Variants in LCP2 observed in about 807,000 individuals in gnomAD.
LCP2 encodes the protein lymphocyte cytosolic protein 2.
A neutral mutation model predicts 74.5 loss-of-function variants in LCP2; 29 were observed. The ratio of observed to expected loss-of-function variants is 0.39; its 90% CI spans 0.29 to 0.53. The LOEUF (loss-of-function observed/expected upper bound fraction) is 0.53. LCP2 is among the 20% of genes least tolerant of loss of function. The pLI, the probability that LCP2 is intolerant of heterozygous loss-of-function variation, is 0.72. For synonymous variants in LCP2, 228 were observed against 229.5 expected (o/e 0.99, Z 0.06); for missense variants, 604 against 634.6 (o/e 0.95, Z 0.52).
intron 2 of LCP2, among the ~76,000 whole-genome samples, 155 bp from the exon 3 acceptor site, chr5:170,288,171 C>T (rs1297486354): frequency 7.8e-6 from 1 of 127,968 alleles, no homozygotes; most frequent in Non-Finnish European, 1.5e-5. Context: ...CCCAAGTAGG[C>T]AGCCTCTAGA....
intron 5 of LCP2, 45 bp downstream of exon 5, chr5:170,275,275 C>G (rs1014970303): frequency 1.2e-6 from 2 of 1,609,196 alleles, no homozygotes; most frequent in Non-Finnish European, 1.7e-6. Context: ...ACTGAAATAC[C>G]TATCACCTCC....
chr5:170,296,109 C>T (rs182618), intron 1 of LCP2, among the ~76,000 whole-genome samples: 111,626 of 152,130 alleles, frequency 0.73, 41,284 homozygotes, highest in African/African-American at 0.83. Context: ...TTCTTTTTCC[C>T]TTATCAAGGT....
rs756540065 is a variant in LCP2 at position 170,293,401 on chromosome 5, G to A, written c.79-29C>T. 93 of 1,563,018 alleles carry A rather than the reference G, an allele frequency of 6.0e-5. 1 individual carries two copies. The Admixed American group carries it at 1.5e-3, about 26-fold the overall frequency. ...CAAAGAGAAGGGGAAGGTGTTGTTA[G>A]TGACGGGCAGTCTCTTACCATTGGT... On this transcript the variant is annotated intron_variant, in intron 1 of 20. Coordinates refer to ENST00000046794, the MANE Select transcript of LCP2 (RefSeq NM_005565.5).
Position 170,270,925 on chromosome 5 carries a change from C to T in LCP2, c.325-8G>A. 1 of 1,610,310 alleles carries T rather than the reference C, an allele frequency of 6.2e-7. No individual in the cohort carries two copies. Among genetic ancestry groups the T allele is most frequent in the Non-Finnish European group, 8.5e-7 (1 of 1,178,152 alleles). ...TTCATAATCGTCTTCTTCCTGCCCACACAGTGATAGGGACAGTGCAGTTTG... is the reference window on the plus strand; with the variant it reads ...TTCATAATCGTCTTCTTCCTGCCCATACAGTGATAGGGACAGTGCAGTTTG... On this transcript the variant is annotated splice_region_variant and splice_polypyrimidine_tract_variant and intron_variant, in intron 6 of 20. Coordinates refer to ENST00000046794, the MANE Select transcript of LCP2 (RefSeq NM_005565.5).
intron 2 of LCP2, among the ~76,000 whole-genome samples, chr5:170,289,948 G>C (rs1250259775): frequency 6.6e-6 from 1 of 151,964 alleles, no homozygotes; most frequent in Admixed American, 6.6e-5. Flanking sequence ...GGCGTAAGCT[G>C]AGGGAATTTC....
chr5:170,258,807 C>T, intron 15 of LCP2, 59 bp downstream of exon 15: 2 of 1,280,240 alleles, frequency 1.6e-6, no homozygotes, highest in South Asian at 1.3e-5. Flanking sequence ...CACTTGAATG[C>T]CTGAGCAGGA....
Position 170,269,294 on chromosome 5 carries a change from G to A in LCP2, c.524-812C>T, listed in dbSNP as rs1761847034. On this transcript the variant is annotated intron_variant, in intron 7 of 20. Transcript: ENST00000046794. The stretch of plus-strand genomic sequence containing the variant: ...CTACCCCTTTGACAGGGAAAGGCCA[G>A]GACAAGACCATCAAGCAAGAGGGGT... Among the ~76,000 whole-genome samples the A allele has an allele frequency of 2.0e-5, 3 of 152,324 alleles. No individual in the cohort carries two copies. The South Asian group carries it at 6.2e-4, about 32-fold the overall frequency.
intron 2 of LCP2, among the ~76,000 whole-genome samples, chr5:170,291,650 G>A (rs952931195): frequency 6.6e-6 from 1 of 152,170 alleles, no homozygotes; most frequent in Non-Finnish European, 1.5e-5. Flanking sequence ...TTACAGAGCC[G>A]GGAGGGGCCA....
At chr5:170,254,499 A>G (rs942037009) in intron 17 of LCP2, among the ~76,000 whole-genome samples, 11 of 152,200 alleles carry the variant, frequency 7.2e-5, no homozygotes, top group African/African-American at 2.7e-4. Context: ...GGATTGTTTA[A>G]GATGCTCCTT....
chr5:170,272,061 G>A (rs762177534), intron 6 of LCP2, among the ~76,000 whole-genome samples: 4 of 152,098 alleles, frequency 2.6e-5, no homozygotes, highest in African/African-American at 4.8e-5. Context: ...GGTGGGCAGA[G>A]CCCCAGAGGA....
intron 3 of LCP2, among the ~76,000 whole-genome samples, chr5:170,278,949 G>A (rs1394765509): frequency 6.6e-6 from 1 of 152,138 alleles, no homozygotes; most frequent in East Asian, 1.9e-4. Flanking sequence ...AGGGTCTGGT[G>A]GACGGTGCAA....
At chr5:170,251,830 C>T (rs749065780) in intron 19 of LCP2, 42 of 326,404 alleles carry the variant, frequency 1.3e-4, no homozygotes, top group African/African-American at 5.1e-4. Flanking sequence ...AAAAGTTCTC[C>T]GGGTGATCTA....
chr5:170,293,470 T>C, intron 1 of LCP2, 98 bp from the exon 2 acceptor site: 4 of 1,205,452 alleles, frequency 3.3e-6, no homozygotes, highest in South Asian at 2.6e-5. Context: ...TTTGCGGTAC[T>C]TGTGGCTAGC....
At chr5:170,289,621 C>G (rs142229463) in intron 2 of LCP2, among the ~76,000 whole-genome samples, 2 of 75,938 alleles carry the variant, frequency 2.6e-5, no homozygotes, top group African/African-American at 1.0e-4. Flanking sequence ...CTTTCTTTTT[C>G]TTTCTTTCTT....
intron 20 of LCP2, among the ~76,000 whole-genome samples, chr5:170,249,103 C>G (rs995061712): frequency 6.6e-6 from 1 of 152,106 alleles, no homozygotes; most frequent in South Asian, 2.1e-4. Flanking sequence ...CGGTGGATCA[C>G]CTGAGGTCAG....
At chr5:170,282,813 G>A (rs1393783093) in intron 3 of LCP2, among the ~76,000 whole-genome samples, 2 of 152,230 alleles carry the variant, frequency 1.3e-5, no homozygotes, top group East Asian at 3.8e-4. Flanking sequence ...GCCTGTGAAT[G>A]GAAGGATTGG....
At position 170,290,752 on chromosome 5, in the gene LCP2, G is replaced by A. The variant is rs116101219; in HGVS notation, c.141+2558C>T. ...ACTTGAAACAGACTGACCTTTATTT[G>A]GTTAGGCCACTGTGGTCAGGTTTCT... On this transcript the variant is annotated intron_variant, in intron 2 of 20. Coordinates refer to ENST00000046794, the MANE Select transcript of LCP2 (RefSeq NM_005565.5). Among the ~76,000 whole-genome samples the A allele has an allele frequency of 1.1e-3, 160 of 152,218 alleles. 1 individual carries two copies. Among genetic ancestry groups the A allele is most frequent in the African/African-American group, 3.8e-3 (156 of 41,518 alleles).
At chr5:170,261,008 T>A in intron 14 of LCP2, 99 bp downstream of exon 14, 1 of 868,034 alleles carries the variant, frequency 1.2e-6, no homozygotes, top group Admixed American at 1.9e-5. Context: ...CTGCTCCAGG[T>A]TCTGGGCCAA....
intron 2 of LCP2, among the ~76,000 whole-genome samples, chr5:170,288,983 C>T (rs1762231588): frequency 6.6e-6 from 1 of 152,180 alleles, no homozygotes. Flanking sequence ...GCTCCACCAC[C>T]ATTCTAGTTA....
Sources: allele counts gnomAD v4.1 joint callset (sites outside exome capture counted in the v4.1 genomes callset), GRCh38; gene constraint gnomAD v4.1.1; transcripts MANE v1.5; gene names NCBI Gene and HGNC (gene_info 2026-07-23, HGNC 2026-07-21).